The following RHPN1 variants were observed in gnomAD, a reference collection of about 807,000 sequenced individuals.
RHPN1 encodes the protein rhophilin-1.
A neutral mutation model predicts 74.7 loss-of-function variants in RHPN1; 77 were observed. The observed-to-expected ratio is 1.03, with a 90% CI of 0.86 to 1.25. The LOEUF (loss-of-function observed/expected upper bound fraction) is 1.25. Among genes scored for constraint, RHPN1 ranks in the 50% most tolerant of loss-of-function variants. RHPN1 has a pLI of 0.00. For synonymous variants in RHPN1, 444 were observed against 414.5 expected (o/e 1.07, Z -0.87); for missense variants, 987 against 932.2 (o/e 1.06, Z -0.77).
chr8:143,381,510 G>A (rs1176067420), intron 12 of RHPN1, 62 bp from the exon 13 acceptor site: 1 of 1,548,154 alleles, frequency 6.5e-7, no homozygotes, highest in Non-Finnish European at 8.7e-7. Context: ...GGATGTGCTA[G>A]TCAGGCGGGG....
rs765863363 is a variant in RHPN1, at chr8:143,382,506, C to T, written c.1868C>T (p.Thr623Ile). The T allele has an allele frequency of 1.2e-6, 2 of 1,608,100 alleles. No homozygotes were observed. Among genetic ancestry groups the T allele is most frequent in the Non-Finnish European group, 1.7e-6 (2 of 1,178,030 alleles). ...LRSQREHGCKTPASTWASPRP... is the reference protein window; with the variant it reads ...LRSQREHGCKIPASTWASPRP... Reference sequence around the variant, plus strand: ...AGCCAGAGGGAGCATGGTTGCAAGACCCCGGCATCCACGTGGGCCAGTCCC... The same window carrying T: ...AGCCAGAGGGAGCATGGTTGCAAGATCCCGGCATCCACGTGGGCCAGTCCC... The change falls in exon 15 of 15, where the codon ACC becomes ATC. Residue 623 changes from threonine to isoleucine, a missense_variant. By Grantham distance (89) the Thr-to-Ile change is moderately conservative. Coordinates refer to ENST00000289013, the MANE Select transcript of RHPN1 (RefSeq NM_052924.3).
intron 1 of RHPN1, among the ~76,000 whole-genome samples, chr8:143,371,741 CT>C (rs1309259069): frequency 2.0e-5 from 3 of 152,204 alleles, no homozygotes; most frequent in Admixed American, 2.0e-4. Context: ...CCTCTCTGTC[CT>C]TTCCTAATGC....
intron 1 of RHPN1, among the ~76,000 whole-genome samples, chr8:143,371,462 C>T (rs936734397): frequency 6.6e-6 from 1 of 152,118 alleles, no homozygotes; most frequent in African/African-American, 2.4e-5. Context: ...GACTGCCTGG[C>T]CCAGGGCCAG....
chr8:143,375,939 G>A (rs945572517), intron 2 of RHPN1, among the ~76,000 whole-genome samples: 1 of 152,264 alleles, frequency 6.6e-6, no homozygotes, highest in African/African-American at 2.4e-5. Context: ...GCACGTGGGG[G>A]CTTCTCAGAA....
At chr8:143,380,504 A>G in intron 10 of RHPN1, 85 bp from the exon 11 acceptor site, 1 of 1,277,920 alleles carries the variant, frequency 7.8e-7, no homozygotes, top group Non-Finnish European at 1.0e-6. Context: ...TGAGCCCCAC[A>G]GCCCTGGCGT....
At chr8:143,368,586 G>A (rs930327039), upstream of RHPN1, 1 of 155,886 alleles carries the variant, frequency 6.4e-6, no homozygotes, top group Non-Finnish European at 1.4e-5. Context: ...TCCGTTTCCC[G>A]AACTTCTCCC....
At chr8:143,369,174 C>A in intron 1 of RHPN1, 127 bp downstream of exon 1, 1 of 658,610 alleles carries the variant, frequency 1.5e-6, no homozygotes, top group Non-Finnish European at 2.3e-6. Flanking sequence ...GGCAGGGAAA[C>A]TGAGGCCAGA....
At chr8:143,380,467 G>A (rs1364935406) in intron 10 of RHPN1, 122 bp from the exon 11 acceptor site, 26 of 914,638 alleles carry the variant, frequency 2.8e-5, no homozygotes, top group South Asian at 5.4e-5. Flanking sequence ...CCCCCGTGGC[G>A]CGCACCCCCA....
Position 143,381,862 on chromosome 8 carries a change from G to A in RHPN1, c.1691G>A (p.Arg564Lys), listed in dbSNP as rs1224821485. ...YIVSVNGQPC[R>K]WWRHAEVVTE... The stretch of plus-strand genomic sequence containing the variant: ...GTGTCAGTGAATGGGCAGCCATGCA[G>A]GTGGTGGAGACACGCGGAGGTGGTG... The change falls in exon 14 of 15, where the codon AGG becomes AAG. Residue 564 changes from arginine to lysine, a missense_variant. Physicochemically the swap from Arg to Lys is conservative, Grantham distance 26 (BLOSUM62 2). Coordinates refer to ENST00000289013, the MANE Select transcript of RHPN1 (RefSeq NM_052924.3). 3 of 1,612,988 alleles carry A rather than the reference G, an allele frequency of 1.9e-6. No homozygotes were observed. The highest frequency in any genetic ancestry group is 1.7e-5 in the Admixed American group (1 of 59,986).
At chr8:143,376,920 C>T (rs1424345275) in intron 3 of RHPN1, among the ~76,000 whole-genome samples, 1 of 140,832 alleles carries the variant, frequency 7.1e-6, no homozygotes, top group Non-Finnish European at 1.5e-5. Flanking sequence ...GTCTGTGTGT[C>T]TGCATGTGTC....
chr8:143,375,518 G>T (rs747171018), intron 1 of RHPN1, 35 bp from the exon 2 acceptor site: 6 of 1,483,124 alleles, frequency 4.0e-6, no homozygotes, highest in South Asian at 1.3e-5. Flanking sequence ...GGGCGCCACG[G>T]GGTCGGGCTG....
intron 8 of RHPN1, 74 bp from the exon 9 acceptor site, chr8:143,379,755 G>A (rs1818572088): frequency 6.6e-7 from 1 of 1,518,658 alleles, no homozygotes; most frequent in African/African-American, 1.4e-5. Flanking sequence ...GGAGCAGGTG[G>A]AGGCTGGGTA....
In RHPN1 at chr8:143,377,925, C is replaced by A. The variant is rs117605463; in HGVS notation, c.382-344C>A. Among the ~76,000 whole-genome samples, 1,270 of 152,330 alleles carry A rather than the reference C, an allele frequency of 8.3e-3. 6 individuals are homozygous for A. Among genetic ancestry groups the A allele is most frequent in the Non-Finnish European group, 0.013 (915 of 68,016 alleles). ...GTTCCGTGTCCGAGTCACTGAGTGG[C>A]AGATGGCACCTGCCTCCCGGCCACG... On this transcript the variant is annotated intron_variant, in intron 4 of 14. Transcript: ENST00000289013.
chr8:143,378,849 G>A (rs1397257952), intron 6 of RHPN1, 29 bp downstream of exon 6: 1 of 1,567,746 alleles, frequency 6.4e-7, no homozygotes, highest in Non-Finnish European at 8.6e-7. Flanking sequence ...GAGGCACCCT[G>A]GGGAGGGGAG....
At chr8:143,370,749 C>A (rs1195365245) in intron 1 of RHPN1, among the ~76,000 whole-genome samples, 1 of 152,252 alleles carries the variant, frequency 6.6e-6, no homozygotes, top group African/African-American at 2.4e-5. Context: ...AGGGGAGAAG[C>A]CTGGCACGGC....
upstream of RHPN1, among the ~76,000 whole-genome samples, chr8:143,365,533 C>A (rs1817545520): frequency 6.6e-6 from 1 of 152,222 alleles, no homozygotes; most frequent in Admixed American, 6.5e-5. Flanking sequence ...CCGCTCACAG[C>A]CATTGGGCCT....
Position 143,374,509 on chromosome 8 carries a change from G to A in RHPN1, c.61-1044G>A, listed in dbSNP as rs193121949. ...GGGAGTCAGTGTCCCTGAGCAGTGA[G>A]CCCTGAGCAGCACTGTGGGTCTCAA... On this transcript the variant is annotated intron_variant, in intron 1 of 14. Transcript: ENST00000289013. 1.3e-3 allele frequency among the ~76,000 whole-genome samples: 202 copies of A among 152,382 alleles called. 3 individuals are homozygous for A. Among genetic ancestry groups the A allele is most frequent in the Non-Finnish European group, 8.2e-4 (56 of 68,038 alleles).
intron 1 of RHPN1, among the ~76,000 whole-genome samples, chr8:143,373,794 CTG>C (rs765143630): frequency 5.3e-5 from 8 of 152,112 alleles, no homozygotes; most frequent in African/African-American, 1.7e-4. Flanking sequence ...CTCCATGTGA[CTG>C]TGTTCAAATT....
chr8:143,380,047 C>T lies in RHPN1; in HGVS notation c.1103-15C>T, dbSNP rs1047549419. ...GGCCCCCCCGCGCAGGGCTCACAGCCTCTCTGTCCCCCAGCAGCGACCGAG... is the reference window on the plus strand; with the variant it reads ...GGCCCCCCCGCGCAGGGCTCACAGCTTCTCTGTCCCCCAGCAGCGACCGAG... On this transcript the variant is annotated splice_polypyrimidine_tract_variant and intron_variant, in intron 9 of 14. Coordinates refer to ENST00000289013, the MANE Select transcript of RHPN1 (RefSeq NM_052924.3). 9 of 1,545,636 alleles carry T rather than the reference C, an allele frequency of 5.8e-6. No homozygotes were observed. The Admixed American group carries it at 5.9e-5, about 10-fold the overall frequency.
Sources: gnomAD v4.1 joint callset for allele counts (sites outside exome capture counted in the v4.1 genomes callset) on GRCh38, gnomAD v4.1.1 for gene constraint, MANE v1.5 for transcripts, NCBI Gene and HGNC (gene_info 2026-07-23, HGNC 2026-07-21) for gene names.